CSMD1: variants seen among roughly 807,000 people sequenced by gnomAD.
CSMD1 encodes CUB and sushi domain-containing protein 1.
CSMD1 carries 213 observed loss-of-function variants against 417.5 expected under a neutral mutation model. The observed-to-expected ratio is 0.51, with a 90% CI of 0.46 to 0.57. The LOEUF is 0.57. CSMD1 is among the 20% of genes least tolerant of loss of function. The probability of loss-of-function intolerance (pLI) is 0.00; values close to 1 mark genes in which losing one functional copy is unlikely to be tolerated. For missense variants in CSMD1, 6,923 were observed against 4,529.7 expected (o/e 1.53, Z -15.17); for synonymous variants, 2,862 against 1,736.8 (o/e 1.65, Z -16.11).
intron 1 of CSMD1, among the ~76,000 whole-genome samples, chr8:4,755,803 T>C (rs1365256789): frequency 6.6e-6 from 1 of 152,186 alleles, no homozygotes; most frequent in Non-Finnish European, 1.5e-5. Flanking sequence ...TTTTCCATTC[T>C]TAACGACACT....
At position 3,694,074 on chromosome 8, in the gene CSMD1, T is replaced by C. The variant is rs562205310; in HGVS notation, c.1009+14340A>G. On this transcript the variant is annotated intron_variant, in intron 7 of 69. Transcript: ENST00000635120. ...TGTGTTAGTGTGTGTGTGTTGTGTG[T>C]GTTGGAGTGTTATGTGTTGTGTGTG... Among the ~76,000 whole-genome samples, 5 of 151,792 alleles carry C rather than the reference T, an allele frequency of 3.3e-5. No individual in the cohort carries two copies. In the South Asian group the frequency reaches 1.0e-3, roughly 32 times the overall value.
intron 52 of CSMD1, among the ~76,000 whole-genome samples, chr8:3,013,748 GA>G (rs753380315): frequency 0.093 from 11,083 of 119,586 alleles, 846 homozygotes; most frequent in African/African-American, 0.24. Flanking sequence ...CTCCATCTCA[GA>G]AAAAAAAAAA....
Position 4,006,963 on chromosome 8 carries a change from G to A in CSMD1, c.611-8853C>T, listed in dbSNP as rs532403278. On this transcript the variant is annotated intron_variant, in intron 4 of 69. Transcript: ENST00000635120. ...CTGCTTCAGACTCACGAGTAGCTGG[G>A]ACTACAGGCACACACCACCACACCC... 1.3e-4 allele frequency among the ~76,000 whole-genome samples: 20 copies of A among 151,610 alleles called. No individual in the cohort carries two copies. The East Asian group carries it at 2.2e-3, about 16-fold the overall frequency.
At chr8:3,629,980 A>G (rs1267962906) in intron 7 of CSMD1, among the ~76,000 whole-genome samples, 2 of 152,262 alleles carry the variant, frequency 1.3e-5, no homozygotes, top group African/African-American at 4.8e-5. Context: ...CTGGCAAAAA[A>G]TGTTGACGTA....
At chr8:4,411,973 C>G (rs1447390105) in intron 3 of CSMD1, among the ~76,000 whole-genome samples, 2 of 145,452 alleles carry the variant, frequency 1.4e-5, no homozygotes, top group African/African-American at 5.1e-5. Flanking sequence ...GAAAAGTACA[C>G]AGCAACATAG....
At chr8:3,543,426 A>G (rs1798527060) in intron 10 of CSMD1, among the ~76,000 whole-genome samples, 1 of 152,214 alleles carries the variant, frequency 6.6e-6, no homozygotes, top group South Asian at 2.1e-4. Context: ...GGGCAAGTGC[A>G]GAAGGGCAGA....
At chr8:4,438,523 C>T (rs1798275342) in intron 2 of CSMD1, among the ~76,000 whole-genome samples, 1 of 152,186 alleles carries the variant, frequency 6.6e-6, no homozygotes, top group South Asian at 2.1e-4. Context: ...GGTGGAAGTC[C>T]CACTCCTTTC....
chr8:3,973,400 T>A (rs1302655142), intron 5 of CSMD1, among the ~76,000 whole-genome samples: 1 of 152,234 alleles, frequency 6.6e-6, no homozygotes, highest in African/African-American at 2.4e-5. Context: ...TGTTGTCACC[T>A]GTCACACCCT....
intron 26 of CSMD1, among the ~76,000 whole-genome samples, chr8:3,262,872 T>C (rs898549544): frequency 3.3e-5 from 5 of 152,174 alleles, no homozygotes; most frequent in African/African-American, 1.2e-4. Context: ...AGTAAATTAC[T>C]TTTATTTTGT....
intron 5 of CSMD1, among the ~76,000 whole-genome samples, chr8:3,844,103 C>T (rs1477734544): frequency 6.6e-6 from 1 of 152,110 alleles, no homozygotes; most frequent in East Asian, 1.9e-4. Context: ...CCCCTCCTAC[C>T]ATTTTTATTA....
At chr8:4,019,565 T>C (rs905750799) in intron 4 of CSMD1, among the ~76,000 whole-genome samples, 1 of 152,200 alleles carries the variant, frequency 6.6e-6, no homozygotes, top group Non-Finnish European at 1.5e-5. Flanking sequence ...AGCTGTCGTA[T>C]CTGTGTTTTA....
At chr8:3,408,769 T>G (rs1366707892) in intron 13 of CSMD1, among the ~76,000 whole-genome samples, 1 of 152,048 alleles carries the variant, frequency 6.6e-6, no homozygotes, top group South Asian at 2.1e-4. Flanking sequence ...AAAATTTACT[T>G]TTAAGAATGT....
At chr8:3,092,822 C>G (rs1236211577) in intron 47 of CSMD1, among the ~76,000 whole-genome samples, 3 of 152,220 alleles carry the variant, frequency 2.0e-5, no homozygotes, top group Admixed American at 6.5e-5. Context: ...TTATCTCATA[C>G]TCGTAAAAGC....
chr8:3,342,939 G>C (rs1169809955), intron 23 of CSMD1, among the ~76,000 whole-genome samples: 1 of 151,668 alleles, frequency 6.6e-6, no homozygotes, highest in South Asian at 2.1e-4. Flanking sequence ...ATTACCTCCG[G>C]TTGTATCAAA....
At position 3,179,091 on chromosome 8, in the gene CSMD1, G is replaced by GCT. The variant is rs373352082; in HGVS notation, c.5725+2018_5725+2019insAG. 5.7e-5 allele frequency among the ~76,000 whole-genome samples: 8 copies of GCT among 139,272 alleles called. No homozygotes were observed. The East Asian group carries it at 8.8e-4, about 15-fold the overall frequency. 91.4% of individuals were successfully genotyped at this position (139,272 alleles called of 152,430 possible). ...GCCTCCTGAGCAGCTGGGACTACAG[G>GCT]CCCGCCACCACGCCTGGCTAATTCT... On this transcript the variant is annotated intron_variant, in intron 37 of 69. Coordinates refer to ENST00000635120, the MANE Select transcript of CSMD1 (RefSeq NM_033225.6).
At chr8:4,158,906 T>G (rs552301568) in intron 3 of CSMD1, among the ~76,000 whole-genome samples, 3 of 152,222 alleles carry the variant, frequency 2.0e-5, no homozygotes, top group South Asian at 4.1e-4. Flanking sequence ...AAAGAAAGAT[T>G]ATCTTTCTAT....
At chr8:4,420,179 G>A (rs753325092) in intron 2 of CSMD1, 114 bp from the exon 3 acceptor site, 7 of 626,222 alleles carry the variant, frequency 1.1e-5, no homozygotes, top group African/African-American at 9.2e-5. Context: ...TTGAAATATG[G>A]CATTAAACAC....
intron 2 of CSMD1, among the ~76,000 whole-genome samples, chr8:4,614,312 T>C (rs1801354069): frequency 2.0e-5 from 3 of 152,182 alleles, no homozygotes; most frequent in Admixed American, 2.0e-4. Flanking sequence ...CAAAACTCTG[T>C]AGAAAATCCT....
intron 5 of CSMD1, among the ~76,000 whole-genome samples, chr8:3,766,914 TG>T (rs1049377844): frequency 1.3e-5 from 2 of 152,170 alleles, no homozygotes; most frequent in African/African-American, 4.8e-5. Flanking sequence ...TTCAGTCAGC[TG>T]GTAAGATATC....
Sources: gnomAD v4.1 joint callset for allele counts (sites outside exome capture counted in the v4.1 genomes callset) on GRCh38, gnomAD v4.1.1 for gene constraint, MANE v1.5 for transcripts, NCBI Gene and HGNC (gene_info 2026-07-23, HGNC 2026-07-21) for gene names.